Variants in UBR1 observed in about 807,000 individuals in gnomAD.
UBR1 encodes the protein ubiquitin protein ligase E3 component n-recognin 1.
Under a neutral mutation model 242.1 loss-of-function variants are expected in UBR1, and 102 were observed. The ratio of observed to expected loss-of-function variants is 0.42; its 90% CI spans 0.36 to 0.50. UBR1 has a LOEUF of 0.50. UBR1 is among the 20% of genes least tolerant of loss of function. The probability of loss-of-function intolerance (pLI) is 0.01; values close to 1 mark genes in which losing one functional copy is unlikely to be tolerated. For synonymous variants in UBR1, 675 were observed against 684.8 expected (o/e 0.99, Z 0.22); for missense variants, 1,772 against 2,101.8 (o/e 0.84, Z 3.07).
At chr15:42,956,503 A>C (rs1312822333) in intron 44 of UBR1, among the ~76,000 whole-genome samples, 2 of 152,148 alleles carry the variant, frequency 1.3e-5, no homozygotes, top group Non-Finnish European at 2.9e-5. Context: ...TATTTTTAGC[A>C]GAGGCAGAGG....
chr15:43,076,068 C>T (rs1373100902), intron 3 of UBR1, among the ~76,000 whole-genome samples: 2 of 152,096 alleles, frequency 1.3e-5, no homozygotes, highest in Admixed American at 1.3e-4. Flanking sequence ...TCACTGCAAC[C>T]TCCCCGCCTG....
intron 1 of UBR1, among the ~76,000 whole-genome samples, chr15:43,086,559 T>C (rs2034039348): frequency 2.0e-5 from 3 of 152,068 alleles, no homozygotes; most frequent in African/African-American, 4.8e-5. Context: ...AGACAATGCA[T>C]TCATCAAAAA....
intron 39 of UBR1, among the ~76,000 whole-genome samples, chr15:42,973,899 T>C (rs1256765983): frequency 6.8e-6 from 1 of 147,442 alleles, no homozygotes; most frequent in Non-Finnish European, 1.5e-5. Flanking sequence ...TTTTTTTTTT[T>C]TTTTTTTGAG....
At chr15:43,105,600 G>A (rs1195385677) in intron 1 of UBR1, among the ~76,000 whole-genome samples, 1 of 152,110 alleles carries the variant, frequency 6.6e-6, no homozygotes, top group Non-Finnish European at 1.5e-5. Context: ...CAAGAGTAAA[G>A]GGTTAGTACT....
Position 43,073,889 on chromosome 15 carries a change from A to C in UBR1, c.528+1090T>G, listed in dbSNP as rs572393117. ...TGCTGTAAGAGCAGAATGGTACTTA[A>C]AAGATCAACATATGTGCCCTACAGG... On this transcript the variant is annotated intron_variant, in intron 4 of 46. Transcript: ENST00000290650. Among the ~76,000 whole-genome samples the C allele has an allele frequency of 6.6e-5, 10 of 152,352 alleles. No homozygotes were observed. In the South Asian group the frequency reaches 1.9e-3, roughly 28 times the overall value.
intron 17 of UBR1, among the ~76,000 whole-genome samples, chr15:43,037,370 G>A (rs74587585): frequency 4.2e-5 from 6 of 142,774 alleles, no homozygotes; most frequent in African/African-American, 1.3e-4. Context: ...AAAGAAAAAG[G>A]AAAAAAAAAA....
chr15:43,033,287 C>CGGGT (rs1212810535), intron 19 of UBR1, among the ~76,000 whole-genome samples: 3 of 151,670 alleles, frequency 2.0e-5, no homozygotes, highest in Non-Finnish European at 4.4e-5. Context: ...CCAAGGTATG[C>CGGGT]GGATCATGAG....
chr15:43,070,408 C>T (rs2141346583), intron 5 of UBR1, among the ~76,000 whole-genome samples: 1 of 152,236 alleles, frequency 6.6e-6, no homozygotes, highest in South Asian at 2.1e-4. Flanking sequence ...ATACACTGTT[C>T]CAAAGTCCCT....
At chr15:43,074,566 AT>A (rs2033863523) in intron 4 of UBR1, among the ~76,000 whole-genome samples, 1 of 152,028 alleles carries the variant, frequency 6.6e-6, no homozygotes, top group Admixed American at 6.6e-5. Flanking sequence ...AGTAGCTGCA[AT>A]TACAGGTGTG....
rs367791040 is a variant in UBR1 at position 43,036,621 on chromosome 15, T to G, written c.2023-28A>C. ...ATAAGGTAATAGGTAGAATAAATCC[T>G]AAAAGAATTATTTTATTTCAAGCAA... On this transcript the variant is annotated intron_variant, in intron 17 of 46. Transcript: ENST00000290650. 8 of 1,435,906 alleles carry G rather than the reference T, an allele frequency of 5.6e-6. No homozygotes were observed. In the African/African-American group the frequency reaches 9.9e-5, roughly 18 times the overall value. The allele number at this position is 1,435,906 out of a possible 1,614,324, so 88.9% of individuals were successfully genotyped here.
At chr15:42,984,981 A>G (rs575429784) in intron 35 of UBR1, 39 bp from the exon 36 acceptor site, 4 of 1,401,794 alleles carry the variant, frequency 2.9e-6, no homozygotes, top group African/African-American at 1.4e-5. Context: ...TAAATCCTGA[A>G]TAGTGCTATA....
At position 43,086,223 on chromosome 15, in the gene UBR1, A is replaced by G; in HGVS notation, c.99T>C (p.Val33=). 1 of 1,613,972 alleles carries G rather than the reference A, an allele frequency of 6.2e-7. No homozygotes were observed. Among genetic ancestry groups the G allele is most frequent in the Non-Finnish European group, 8.5e-7 (1 of 1,180,006 alleles). The change falls in exon 2 of 47, where the codon GTT becomes GTC. Residue 33 remains valine (V), a synonymous_variant. Transcript: ENST00000290650. ...QRLASWWDQQ[V]DFYTAFLHHL... is the part of the protein sequence containing the mutation. ...GATGCAAGAAAGCAGTATAAAAATC[A>G]ACTTGCTGATCCCACCACTAAAAGA...
chr15:42,965,663 C>T (rs945432400), intron 41 of UBR1, among the ~76,000 whole-genome samples: 1 of 152,056 alleles, frequency 6.6e-6, no homozygotes, highest in Non-Finnish European at 1.5e-5. Context: ...GACGGGGTTT[C>T]ACCATGTTGG....
chr15:42,997,797 G>A (rs554698956), intron 33 of UBR1, among the ~76,000 whole-genome samples: 6 of 151,924 alleles, frequency 3.9e-5, no homozygotes, highest in African/African-American at 1.5e-4. Flanking sequence ...TATTATCCCC[G>A]ATTTGCAAAT....
chr15:42,971,775 G>T (rs2032210807), intron 39 of UBR1, among the ~76,000 whole-genome samples: 2 of 152,098 alleles, frequency 1.3e-5, no homozygotes. Context: ...ATGCAATTAA[G>T]TGCACAAATA....
At chr15:43,066,555 T>G (rs1046623840) in intron 6 of UBR1, among the ~76,000 whole-genome samples, 2 of 152,202 alleles carry the variant, frequency 1.3e-5, no homozygotes, top group Non-Finnish European at 2.9e-5. Flanking sequence ...CTTTGGGCAG[T>G]ATGGTCGTTT....
chr15:43,041,771 G>A (rs2033422289), intron 15 of UBR1, among the ~76,000 whole-genome samples: 1 of 152,106 alleles, frequency 6.6e-6, no homozygotes, highest in Non-Finnish European at 1.5e-5. Context: ...GAAAATATTT[G>A]TAAATCACAT....
chr15:43,076,593 G>A (rs1237926948), intron 3 of UBR1, among the ~76,000 whole-genome samples: 3 of 150,218 alleles, frequency 2.0e-5, no homozygotes, highest in East Asian at 2.0e-4. Context: ...CTGCTGGGCC[G>A]CAACCCTGTC....
intron 19 of UBR1, among the ~76,000 whole-genome samples, chr15:43,034,443 A>G (rs1293783629): frequency 6.6e-6 from 1 of 151,720 alleles, no homozygotes; most frequent in Non-Finnish European, 1.5e-5. Flanking sequence ...CTGTCTCAAA[A>G]ACAATTAATA....
Sources: allele counts gnomAD v4.1 joint callset (sites outside exome capture counted in the v4.1 genomes callset), GRCh38; gene constraint gnomAD v4.1.1; transcripts MANE v1.5; gene names NCBI Gene and HGNC (gene_info 2026-07-23, HGNC 2026-07-21).